TNNT2: variants seen among roughly 807,000 people sequenced by gnomAD.
TNNT2 encodes troponin T2, cardiac type, also known as troponin T, cardiac muscle.
Under a neutral mutation model 62.4 loss-of-function variants are expected in TNNT2, and 34 were observed. The observed-to-expected ratio is 0.54, with a 90% CI of 0.41 to 0.72. TNNT2 has a LOEUF of 0.72. TNNT2 is among the 30% of genes least tolerant of loss of function. TNNT2 has a pLI of 0.00. For missense variants in TNNT2, 275 were observed against 381.9 expected (o/e 0.72, Z 2.33); for synonymous variants, 123 against 127.2 (o/e 0.97, Z 0.22).
intron 9 of TNNT2, 151 bp from the exon 10 acceptor site, chr1:201,365,458 G>A: frequency 8.4e-7 from 1 of 1,190,800 alleles, no homozygotes; most frequent in Non-Finnish European, 1.3e-6. Flanking sequence ...CTGAACCCAG[G>A]ACCACGCTCA....
intron 12 of TNNT2, 117 bp downstream of exon 12, chr1:201,363,177 CCA>C (rs1211364942): frequency 1.3e-5 from 21 of 1,595,806 alleles, no homozygotes; most frequent in Non-Finnish European, 1.6e-5. Context: ...AGTCTTCCAC[CCA>C]CAGCAGCTGG....
intron 5 of TNNT2, 143 bp downstream of exon 5, chr1:201,369,673 A>T (rs1459313556): frequency 2.2e-6 from 2 of 927,528 alleles, no homozygotes; most frequent in Non-Finnish European, 3.6e-6. Flanking sequence ...GGCCCCTGGG[A>T]GGCAGGGGAG....
intron 6 of TNNT2, 93 bp from the exon 7 acceptor site, chr1:201,367,899 C>G (rs1209288301): frequency 6.8e-7 from 1 of 1,479,682 alleles, no homozygotes; most frequent in Non-Finnish European, 9.4e-7. Flanking sequence ...CAGATAAGCC[C>G]TAGCCAAGAT....
At chr1:201,360,434 G>A (rs1329864348) in intron 15 of TNNT2, 1 of 153,170 alleles carries the variant, frequency 6.5e-6, no homozygotes, top group African/African-American at 2.4e-5. Flanking sequence ...TGGAGGCAAG[G>A]AACAGTGGAC....
intron 12 of TNNT2, 127 bp from the exon 13 acceptor site, chr1:201,362,521 A>T: frequency 7.8e-6 from 10 of 1,284,930 alleles, no homozygotes; most frequent in Non-Finnish European, 1.1e-5. Context: ...TACTCGCTGT[A>T]GTCAGCCGGG....
chr1:201,362,113 C>T, intron 13 of TNNT2, 91 bp from the exon 14 acceptor site: 1 of 1,422,128 alleles, frequency 7.0e-7, no homozygotes. Flanking sequence ...GGAGCAAGGC[C>T]TGCAGGAGGG....
At chr1:201,372,294 G>T (rs1170763238) in intron 2 of TNNT2, 139 bp from the exon 3 acceptor site, 1 of 1,260,798 alleles carries the variant, frequency 7.9e-7, no homozygotes, top group Non-Finnish European at 1.1e-6. Context: ...TGGAGTCCAC[G>T]CTGCCCTGCC....
At chr1:201,376,598 G>A (rs1661430624) in intron 1 of TNNT2, among the ~76,000 whole-genome samples, 1 of 152,158 alleles carries the variant, frequency 6.6e-6, no homozygotes, top group Non-Finnish European at 1.5e-5. Context: ...CAGAGAGAAG[G>A]AAGATTCGCC....
chr1:201,377,631 A>G lies in TNNT2; in HGVS notation c.-23T>C, dbSNP rs1359475957. On this transcript the variant is annotated 5_prime_UTR_variant, in exon 1 of 17. Coordinates refer to ENST00000656932, the MANE Select transcript of TNNT2 (RefSeq NM_001276345.2). ...CCCTGCCCGAGCCTTACCTCAGAAC[A>G]GCAGCTGCCGACAGATCCTGGAGGC... is the stretch of plus-strand genomic sequence containing the variant. The G allele has an allele frequency of 2.2e-6, 1 of 456,278 alleles. No individual in the cohort carries two copies. Among genetic ancestry groups the G allele is most frequent in the African/African-American group, 2.0e-5 (1 of 50,196 alleles). 28.3% of individuals were successfully genotyped at this position (456,278 alleles called of 1,614,324 possible).
chr1:201,359,479 G>A, intron 16 of TNNT2, 144 bp downstream of exon 16: 2 of 1,011,878 alleles, frequency 2.0e-6, no homozygotes, highest in South Asian at 1.4e-5. Context: ...AGGCCCCGGA[G>A]GAGCCAGAGA....
At chr1:201,372,848 G>A (rs954748604) in intron 2 of TNNT2, among the ~76,000 whole-genome samples, 2 of 152,150 alleles carry the variant, frequency 1.3e-5, no homozygotes, top group Admixed American at 6.5e-5. Flanking sequence ...TCTGAGCTGG[G>A]GTTTGGGGGG....
rs769993507 is a variant in TNNT2, at chr1:201,365,640, C to T, written c.264G>A (p.Lys88=). The change falls in exon 9 of 17, where the codon AAG becomes AAA. Residue 88 remains lysine, a synonymous_variant. Coordinates refer to ENST00000656932, the MANE Select transcript of TNNT2 (RefSeq NM_001276345.2). ...RSFMPNLVPP[K]IPDGERVDFD... is the part of the protein sequence containing the mutation. ...AGTCCACTCTCTCTCCATCGGGGAT[C>T]TTGGGAGGCACCAAGTTGGGCATGA... The T allele has an allele frequency of 6.2e-7, 1 of 1,614,100 alleles. No individual in the cohort carries two copies. The highest frequency in any genetic ancestry group is 8.5e-7 in the Non-Finnish European group (1 of 1,179,998).
intron 10 of TNNT2, 101 bp from the exon 11 acceptor site, chr1:201,364,476 G>A (rs1343894516): frequency 7.8e-7 from 1 of 1,276,812 alleles, no homozygotes; most frequent in African/African-American, 1.5e-5. Context: ...CCTGGGGGAG[G>A]GTTCCTTCCA....
intron 1 of TNNT2, among the ~76,000 whole-genome samples, chr1:201,377,045 A>C (rs1661504482): frequency 6.6e-6 from 1 of 152,228 alleles, no homozygotes; most frequent in South Asian, 2.1e-4. Flanking sequence ...GAGGCGCTGC[A>C]GAGGACCCTG....
rs1163829803 is a variant in TNNT2, at chr1:201,369,812, C to T, written c.97+4G>A. The T allele has an allele frequency of 6.2e-7, 1 of 1,614,108 alleles. No individual in the cohort carries two copies. The highest frequency in any genetic ancestry group is 1.7e-5 in the Admixed American group (1 of 60,012). On this transcript the variant is annotated splice_donor_region_variant and intron_variant, in intron 5 of 16. Coordinates refer to ENST00000656932, the MANE Select transcript of TNNT2 (RefSeq NM_001276345.2). ...AAGCACCACAGAAGGAAAGGCTGTACTACCGTCTTCGTCCTCTCTCCAGTC... is the reference window on the plus strand; with the variant it reads ...AAGCACCACAGAAGGAAAGGCTGTATTACCGTCTTCGTCCTCTCTCCAGTC...
chr1:201,359,132 A>C lies in TNNT2; in HGVS notation c.*78T>G. On this transcript the variant is annotated 3_prime_UTR_variant, in exon 17 of 17. Coordinates refer to ENST00000656932, the MANE Select transcript of TNNT2 (RefSeq NM_001276345.2). ...ACAGGAGCTGCCTGGGGTGCCCAGG[A>C]GGGCCCGGGAACTGGGGGAGTGCAG... The C allele has an allele frequency of 2.6e-6, 4 of 1,543,622 alleles. No homozygotes were observed. Among genetic ancestry groups the C allele is most frequent in the Non-Finnish European group, 3.5e-6 (4 of 1,134,752 alleles).
chr1:201,368,348 G>A, intron 5 of TNNT2, 121 bp from the exon 6 acceptor site: 1 of 1,021,486 alleles, frequency 9.8e-7, no homozygotes, highest in Non-Finnish European at 1.5e-6. Context: ...AGGTCCAGAT[G>A]AATTTGGGGG....
intron 5 of TNNT2, 152 bp downstream of exon 5, chr1:201,369,664 G>A (rs1271576312): frequency 6.8e-6 from 6 of 877,764 alleles, no homozygotes; most frequent in African/African-American, 4.9e-5. Context: ...TGTGATCCTG[G>A]CCCCTGGGAG....
chr1:201,361,837 C>A, intron 14 of TNNT2, 76 bp downstream of exon 14: 1 of 1,370,776 alleles, frequency 7.3e-7, no homozygotes, highest in East Asian at 2.3e-5. Context: ...TGGCTCACAG[C>A]AAGAAGTGCC....
Sources: allele counts gnomAD v4.1 joint callset (sites outside exome capture counted in the v4.1 genomes callset), GRCh38; gene constraint gnomAD v4.1.1; transcripts MANE v1.5; gene names NCBI Gene and HGNC (gene_info 2026-07-23, HGNC 2026-07-21).